The following TNS2 variants were observed in gnomAD, a reference collection of about 807,000 sequenced individuals.
The protein encoded by TNS2 is tensin 2, also known as tensin-2.
Under a neutral mutation model 155.7 loss-of-function variants are expected in TNS2, and 77 were observed. The ratio of observed to expected loss-of-function variants is 0.49; its 90% CI spans 0.41 to 0.60. The LOEUF is 0.60. Among genes scored for constraint, TNS2 ranks in the 20% least tolerant of loss-of-function variants. The probability of loss-of-function intolerance (pLI) is 0.00; values close to 1 mark genes in which losing one functional copy is unlikely to be tolerated. For synonymous variants in TNS2, 726 were observed against 763.9 expected, an observed-to-expected ratio of 0.95 and a Z score of 0.82; for missense variants, 1,703 against 1,868.8, an observed-to-expected ratio of 0.91 and a Z score of 1.64.
chr12:53,056,189 CAAAAATAT>C (rs563136392), intron 10 of TNS2: 223 of 183,672 alleles, frequency 1.2e-3, no homozygotes, highest in African/African-American at 5.1e-3. Context: ...CCATCTCTAC[CAAAAATAT>C]AAAAATATAA....
intron 5 of TNS2, 22 bp downstream of exon 5, chr12:53,053,834 A>C: frequency 6.2e-7 from 1 of 1,613,500 alleles, no homozygotes; most frequent in Non-Finnish European, 8.5e-7. Flanking sequence ...CTGGAGCAGG[A>C]GGGGGAAGCA....
intron 10 of TNS2, 99 bp downstream of exon 10, chr12:53,055,944 G>A: frequency 7.7e-7 from 1 of 1,298,866 alleles, no homozygotes; most frequent in South Asian, 1.4e-5. Flanking sequence ...TCTTCGTTGA[G>A]AGTCCTTTGC....
At chr12:53,054,539 CA>C in intron 7 of TNS2, 98 bp downstream of exon 7, 1 of 1,284,424 alleles carries the variant, frequency 7.8e-7, no homozygotes, top group Admixed American at 3.4e-5. Context: ...GCGAGGCCGC[CA>C]GGGGGCGGGA....
rs1450590785 is a variant in TNS2, at chr12:53,058,434, A to G, written c.1214A>G (p.Glu405Gly). ...QLTFPKDQLD[E>G]AWTDERFPFQ... The stretch of plus-strand genomic sequence containing the variant: ...ACTTTCCCCAAGGACCAGCTTGACG[A>G]GGCCTGGACTGGTGAGTCTGAGACA... The change falls in exon 15 of 29, where the codon GAG becomes GGG. Residue 405 changes from glutamate (E) to glycine (G), a missense_variant. Glu to Gly is a moderately conservative substitution (Grantham distance 98). Transcript: ENST00000314250. The G allele has an allele frequency of 6.2e-7, 1 of 1,614,154 alleles. No individual in the cohort carries two copies. The highest frequency in any genetic ancestry group is 1.7e-5 in the Admixed American group (1 of 60,020).
upstream of TNS2, chr12:53,049,050 A>C: frequency 1.1e-6 from 1 of 903,584 alleles, no homozygotes; most frequent in Non-Finnish European, 1.7e-6. Flanking sequence ...TTTTAGGAAG[A>C]TTACTCCCCC....
upstream of TNS2, among the ~76,000 whole-genome samples, chr12:53,049,621 C>T (rs1286744601): frequency 6.6e-6 from 1 of 152,126 alleles, no homozygotes; most frequent in Non-Finnish European, 1.5e-5. Context: ...TTTTACCTGA[C>T]TCTCAGGACA....
chr12:53,057,695 A>G lies in TNS2; in HGVS notation c.958+16A>G. ...CCTGGCACAGGTGAGTCTGCCTGAG[A>G]TGTGCTCCCTAGGGAGAACCACCTT... On this transcript the variant is annotated intron_variant, in intron 12 of 28. Coordinates refer to ENST00000314250, the MANE Select transcript of TNS2 (RefSeq NM_170754.4). 2 of 1,613,728 alleles carry G rather than the reference A, an allele frequency of 1.2e-6. No individual in the cohort carries two copies. Among genetic ancestry groups the G allele is most frequent in the Non-Finnish European group, 1.7e-6 (2 of 1,179,734 alleles).
chr12:53,048,915 C>G (rs376161912), upstream of TNS2: 754 of 421,068 alleles, frequency 1.8e-3, 10 homozygotes, highest in Admixed American at 9.3e-3. Context: ...CTGGGACATT[C>G]AATAAATACC....
In TNS2 at chr12:53,063,135, G is replaced by A. The variant is rs771321156; in HGVS notation, c.3870G>A (p.Thr1290=). ...CCTCAGTGGAGACAGAGTCACTGAC[G>A]GGCCCCCAAGCTGTGGCCCGGGCCA... ...YLTSVETESL[T]GPQAVARASS... is the part of the protein sequence containing the mutation. The change falls in exon 26 of 29, where the codon ACG becomes ACA. Residue 1290 remains threonine (T), a synonymous_variant. Transcript: ENST00000314250. The surrounding 1 kb of genome is among the most constrained non-coding windows in gnomAD (Gnocchi z 5.6). 1.3e-5 allele frequency: 21 copies of A among 1,596,632 alleles called. No homozygotes were observed. Among genetic ancestry groups the A allele is most frequent in the East Asian group, 2.2e-5 (1 of 44,748 alleles).
chr12:53,056,108 C>T (rs1944145894), intron 10 of TNS2: 2 of 368,620 alleles, frequency 5.4e-6, no homozygotes, highest in Admixed American at 4.4e-5. Flanking sequence ...GTAATACCAG[C>T]ACTTTGGGAG....
At chr12:53,057,860 A>G (rs1473575837) in intron 13 of TNS2, 27 bp downstream of exon 13, 1 of 1,613,538 alleles carries the variant, frequency 6.2e-7, no homozygotes, top group Non-Finnish European at 8.5e-7. Flanking sequence ...CAGGCCCCTG[A>G]CACTTCATGA....
At chr12:53,052,132 A>G (rs1041787761) in intron 2 of TNS2, 169 bp downstream of exon 2, 6 of 626,906 alleles carry the variant, frequency 9.6e-6, no homozygotes, top group Non-Finnish European at 1.7e-5. Context: ...CTGGCTCCCC[A>G]TGACAGACAC....
upstream of TNS2, chr12:53,049,089 C>A: frequency 7.3e-7 from 1 of 1,372,492 alleles, no homozygotes; most frequent in Non-Finnish European, 1.0e-6. Flanking sequence ...ACCTCCCTCC[C>A]TTGACTCCCA....
At position 53,054,442 on chromosome 12, in the gene TNS2, G is replaced by A; in HGVS notation, c.522+1G>A. 1 of 1,598,370 alleles carries A rather than the reference G, an allele frequency of 6.3e-7. No individual in the cohort carries two copies. Among genetic ancestry groups the A allele is most frequent in the Non-Finnish European group, 8.5e-7 (1 of 1,174,670 alleles). The stretch of plus-strand genomic sequence containing the variant: ...ATCCAAGCACCGGGACAAGTACCTG[G>A]TGAGGGGCGGGGCCATCAGGAGTCC... On this transcript the variant is annotated splice_donor_variant, in intron 7 of 28. Coordinates refer to ENST00000314250, the MANE Select transcript of TNS2 (RefSeq NM_170754.4). LOFTEE classifies it high-confidence loss of function.
upstream of TNS2, among the ~76,000 whole-genome samples, chr12:53,047,954 T>G (rs2121033603): frequency 6.6e-6 from 1 of 152,216 alleles, no homozygotes; most frequent in South Asian, 2.1e-4. Context: ...CCACAGCTAT[T>G]TCCAGAAAGG....
upstream of TNS2, among the ~76,000 whole-genome samples, chr12:53,049,449 G>A (rs1026486040): frequency 6.6e-6 from 1 of 152,210 alleles, no homozygotes; most frequent in Admixed American, 6.5e-5. Context: ...GCCTTAGGCT[G>A]TGGCAGGAGA....
At chr12:53,052,341 G>A in intron 2 of TNS2, 114 bp from the exon 3 acceptor site, 1 of 1,362,506 alleles carries the variant, frequency 7.3e-7, no homozygotes, top group South Asian at 1.2e-5. Flanking sequence ...CAGTCCAGGT[G>A]GGATCTTGGA....
At chr12:53,048,520 C>A (rs1365815091), upstream of TNS2, among the ~76,000 whole-genome samples, 1 of 152,116 alleles carries the variant, frequency 6.6e-6, no homozygotes, top group East Asian at 1.9e-4. Flanking sequence ...AAGGCCAGGC[C>A]CGGTTGCCCA....
In TNS2 at chr12:53,059,526, T is replaced by TC; in HGVS notation, c.1891dup (p.Gln631ProfsTer27). ...ACTGGCCTACGGGGGCTATGAGGGATCCCCCCAGGGCTACGCCGAGGCCTC... is the reference window on the plus strand; with the variant it reads ...ACTGGCCTACGGGGGCTATGAGGGATCCCCCCCAGGGCTACGCCGAGGCCTC... On this transcript the variant is annotated frameshift_variant, in exon 18 of 29. Transcript: ENST00000314250. LOFTEE classifies it high-confidence loss of function. This position sits in a 1 kb window ranked among gnomAD's most constrained non-coding sequence, Gnocchi z 4.7. 6.3e-7 allele frequency: 1 copy of TC among 1,582,814 alleles called. No individual in the cohort carries two copies. The highest frequency in any genetic ancestry group is 8.6e-7 in the Non-Finnish European group (1 of 1,166,970).
Sources: gnomAD v4.1 joint callset for allele counts (sites outside exome capture counted in the v4.1 genomes callset) on GRCh38, gnomAD v4.1.1 for gene constraint, Gnocchi (gnomAD v3.1) non-coding constraint, MANE v1.5 for transcripts, NCBI Gene and HGNC (gene_info 2026-07-23, HGNC 2026-07-21) for gene names.